The following MEGF9 variants were observed in gnomAD, a reference collection of about 807,000 sequenced individuals.
MEGF9 encodes multiple epidermal growth factor-like domains protein 9.
A neutral mutation model predicts 46.8 loss-of-function variants in MEGF9; 6 were observed. The observed-to-expected ratio is 0.13, with a 90% CI of 0.07 to 0.25. The LOEUF (loss-of-function observed/expected upper bound fraction) is 0.25, where lower values mean the gene tolerates loss of function less well. Ranked by LOEUF, MEGF9 falls within the 10% of genes least tolerant of loss-of-function variation. The pLI is 1.00. For synonymous variants in MEGF9, 302 were observed against 330.7 expected, an observed-to-expected ratio of 0.91 and a Z score of 0.94; for missense variants, 683 against 792.4, an observed-to-expected ratio of 0.86 and a Z score of 1.66.
intron 1 of MEGF9, among the ~76,000 whole-genome samples, chr9:120,711,052 T>G (rs546487889): frequency 6.6e-6 from 1 of 152,348 alleles, no homozygotes; most frequent in South Asian, 2.1e-4. Context: ...TTAAAAGCCT[T>G]GAACAACAGT....
chr9:120,681,580 A>G (rs2043798912), intron 1 of MEGF9, among the ~76,000 whole-genome samples: 1 of 152,122 alleles, frequency 6.6e-6, no homozygotes, highest in Non-Finnish European at 1.5e-5. Context: ...ATGAAAAAAA[A>G]AAAGAATGCA....
At chr9:120,713,647 C>A in intron 1 of MEGF9, 111 bp downstream of exon 1, 1 of 1,230,030 alleles carries the variant, frequency 8.1e-7, no homozygotes. Context: ...GGAGCCGGAA[C>A]CTGGGGTGTC....
At chr9:120,648,877 G>A (rs1211508172) in intron 2 of MEGF9, among the ~76,000 whole-genome samples, 7 of 152,160 alleles carry the variant, frequency 4.6e-5, no homozygotes, top group Non-Finnish European at 8.8e-5. Context: ...TTTGGCATCA[G>A]TTTACTTCAT....
At chr9:120,643,797 C>T (rs1233347331) in intron 2 of MEGF9, among the ~76,000 whole-genome samples, 5 of 151,666 alleles carry the variant, frequency 3.3e-5, no homozygotes, top group East Asian at 1.9e-4. Context: ...TGGGCTCACG[C>T]GATCCTCCTA....
intron 3 of MEGF9, among the ~76,000 whole-genome samples, chr9:120,614,861 A>C (rs1011402233): frequency 3.3e-5 from 5 of 152,048 alleles, no homozygotes; most frequent in African/African-American, 1.2e-4. Flanking sequence ...TCCAATAATA[A>C]GTCCTTTGTG....
intron 1 of MEGF9, among the ~76,000 whole-genome samples, chr9:120,709,103 A>C (rs1295018763): frequency 6.6e-6 from 1 of 152,164 alleles, no homozygotes; most frequent in Non-Finnish European, 1.5e-5. Context: ...GCTCTGTTTC[A>C]CATTTTGGTA....
At position 120,650,138 on chromosome 9, in the gene MEGF9, G is replaced by A. The variant is rs547794324; in HGVS notation, c.803+9236C>T. On this transcript the variant is annotated intron_variant, in intron 2 of 5. Transcript: ENST00000373930. The stretch of plus-strand genomic sequence containing the variant: ...AAAAATATTAGCCGGGCGTGGTGGC[G>A]GGTGCCCGTAATCCCAGCTACTTGG... Among the ~76,000 whole-genome samples the A allele has an allele frequency of 2.6e-4, 40 of 152,172 alleles. No homozygotes were observed. In the East Asian group the frequency reaches 6.2e-3, roughly 24 times the overall value.
intron 2 of MEGF9, 94 bp from the exon 3 acceptor site, chr9:120,622,849 T>A: frequency 8.0e-7 from 1 of 1,243,934 alleles, no homozygotes; most frequent in Non-Finnish European, 1.1e-6. Context: ...CCAGCTCATG[T>A]AAATCATATA....
At chr9:120,667,630 T>A (rs1281487155) in intron 1 of MEGF9, among the ~76,000 whole-genome samples, 1 of 152,170 alleles carries the variant, frequency 6.6e-6, no homozygotes, top group Non-Finnish European at 1.5e-5. Context: ...AAAAATTACA[T>A]CATTCCTGAT....
intron 1 of MEGF9, among the ~76,000 whole-genome samples, chr9:120,688,853 T>G (rs1429591765): frequency 6.6e-6 from 1 of 152,194 alleles, no homozygotes; most frequent in East Asian, 1.9e-4. Context: ...TGAATTAGTA[T>G]GAATAGAAGA....
At chr9:120,711,717 A>G (rs1306485025) in intron 1 of MEGF9, among the ~76,000 whole-genome samples, 4 of 152,190 alleles carry the variant, frequency 2.6e-5, no homozygotes. Context: ...TTCTACTTAA[A>G]TGCTACTGTA....
intron 2 of MEGF9, among the ~76,000 whole-genome samples, chr9:120,658,768 G>C (rs540809465): frequency 6.6e-6 from 1 of 152,246 alleles, no homozygotes; most frequent in African/African-American, 2.4e-5. Context: ...CAAATGCTTA[G>C]ATAACAGTAC....
At chr9:120,680,866 G>A (rs569434475) in intron 1 of MEGF9, among the ~76,000 whole-genome samples, 1 of 152,120 alleles carries the variant, frequency 6.6e-6, no homozygotes, top group Non-Finnish European at 1.5e-5. Context: ...AGGCCCAAGG[G>A]CTCTTCCATC....
chr9:120,659,615 T>A, intron 1 of MEGF9, 40 bp from the exon 2 acceptor site: 1 of 1,441,546 alleles, frequency 6.9e-7, no homozygotes. Context: ...CCAACTAAGA[T>A]TTAATGCCCT....
At chr9:120,661,412 G>A (rs1337548410) in intron 1 of MEGF9, among the ~76,000 whole-genome samples, 1 of 152,220 alleles carries the variant, frequency 6.6e-6, no homozygotes, top group Non-Finnish European at 1.5e-5. Flanking sequence ...CGCTACTCGG[G>A]AGGCTGAGGT....
In MEGF9 at chr9:120,616,677, CAAAAA is replaced by C. The variant is rs60170268; in HGVS notation, c.944-4143_944-4139del. Reference sequence around the variant, plus strand: ...TGGGTGACAGAGCAAGACTCTGTCTCAAAAAAAAAAAAAAAAAAAAAAAGTGGTAT... The same window carrying C: ...TGGGTGACAGAGCAAGACTCTGTCTCAAAAAAAAAAAAAAAAAAGTGGTAT... On this transcript the variant is annotated intron_variant, in intron 3 of 5. Transcript: ENST00000373930. Among the ~76,000 whole-genome samples the C allele has an allele frequency of 2.9e-3, 269 of 94,372 alleles. 2 individuals carry two copies. Among genetic ancestry groups the C allele is most frequent in the African/African-American group, 9.4e-3 (251 of 26,616 alleles). 61.9% of individuals were successfully genotyped at this position (94,372 alleles called of 152,430 possible). A position where few individuals can be genotyped will look rare whatever the true frequency, so the allele number is the denominator to read the frequency against.
At chr9:120,664,000 G>C (rs951564713) in intron 1 of MEGF9, among the ~76,000 whole-genome samples, 3 of 152,076 alleles carry the variant, frequency 2.0e-5, no homozygotes, top group Non-Finnish European at 4.4e-5. Flanking sequence ...AAGTCCCAGA[G>C]AAAATCAAAT....
At chr9:120,698,096 A>T (rs1564430445) in intron 1 of MEGF9, among the ~76,000 whole-genome samples, 3 of 152,246 alleles carry the variant, frequency 2.0e-5, no homozygotes, top group African/African-American at 7.2e-5. Context: ...ATAGAAGCCC[A>T]GGAAGATTAT....
intron 2 of MEGF9, among the ~76,000 whole-genome samples, chr9:120,653,939 G>C (rs2043665000): frequency 6.6e-6 from 1 of 152,226 alleles, no homozygotes; most frequent in African/African-American, 2.4e-5. Context: ...AGTGAGCCAA[G>C]TGTAAGAAAT....
Sources: allele counts gnomAD v4.1 joint callset (sites outside exome capture counted in the v4.1 genomes callset), GRCh38; gene constraint gnomAD v4.1.1; transcripts MANE v1.5; gene names NCBI Gene and HGNC (gene_info 2026-07-23, HGNC 2026-07-21).